P2RY6: variants seen among roughly 807,000 people sequenced by gnomAD.
The protein encoded by P2RY6 is pyrimidinergic receptor P2Y6.
Under a neutral mutation model 16.3 loss-of-function variants are expected in P2RY6, and 19 were observed. The ratio of observed to expected loss-of-function variants is 1.16; its 90% CI spans 0.81 to 1.71. The LOEUF (loss-of-function observed/expected upper bound fraction) is 1.71, where lower values mean the gene tolerates loss of function less well. P2RY6 is among the 40% of genes most tolerant of loss of function. P2RY6 has a pLI of 0.00. For missense variants in P2RY6, 389 were observed against 455.5 expected, an observed-to-expected ratio of 0.85 and a Z score of 1.33; for synonymous variants, 184 against 201.5, an observed-to-expected ratio of 0.91 and a Z score of 0.74.
At chr11:73,280,068 TG>T (rs1863695500) in intron 1 of P2RY6, among the ~76,000 whole-genome samples, 1 of 152,328 alleles carries the variant, frequency 6.6e-6, no homozygotes, top group South Asian at 2.1e-4. Context: ...CAGGGCAAGC[TG>T]GGCCCCAGGC....
Position 73,296,874 on chromosome 11 carries a change from G to T in P2RY6, c.356G>T (p.Cys119Phe). The stretch of plus-strand genomic sequence containing the variant: ...CACGGCAGCATCCTCTTCCTCACCT[G>T]CATCAGCTTCCAGCGCTACCTGGGC... ...NLHGSILFLT[C>F]ISFQRYLGIC... The change falls in exon 3 of 3, where the codon TGC (cysteine) becomes TTC (phenylalanine). Residue 119 changes from cysteine (C) to phenylalanine (F), a missense_variant. Transcript: ENST00000540124. The T allele has an allele frequency of 1.2e-6, 2 of 1,610,674 alleles. No individual in the cohort carries two copies. Among genetic ancestry groups the T allele is most frequent in the Non-Finnish European group, 1.7e-6 (2 of 1,180,020 alleles).
intron 2 of P2RY6, among the ~76,000 whole-genome samples, chr11:73,296,241 T>A (rs866393734): frequency 0.019 from 2,546 of 135,626 alleles, 50 homozygotes; most frequent in African/African-American, 0.051. Context: ...AAAATATATA[T>A]ATATATATAT....
chr11:73,265,943 T>C (rs7127940), intron 1 of P2RY6, among the ~76,000 whole-genome samples: 20,987 of 152,244 alleles, frequency 0.14, 1,548 homozygotes, highest in Non-Finnish European at 0.18. Context: ...GCCTCATAGG[T>C]TATTTTTAGG....
intron 2 of P2RY6, among the ~76,000 whole-genome samples, chr11:73,296,230 AAAAATATAT>A (rs1335649161): frequency 1.0e-4 from 13 of 125,814 alleles, no homozygotes; most frequent in African/African-American, 5.3e-4. Context: ...AAGGAAAAAA[AAAAATATAT>A]ATATATATAT....
intron 1 of P2RY6, chr11:73,292,683 C>T (rs1864306417): frequency 2.2e-6 from 1 of 461,922 alleles, no homozygotes; most frequent in South Asian, 9.2e-5. Context: ...CCTTGCTCCT[C>T]TAAGCCCAGT....
At chr11:73,266,018 T>C (rs953362255) in intron 1 of P2RY6, among the ~76,000 whole-genome samples, 1 of 152,174 alleles carries the variant, frequency 6.6e-6, no homozygotes, top group African/African-American at 2.4e-5. Flanking sequence ...TCCTAACAGC[T>C]GGTGACAAAA....
At chr11:73,270,614 G>A (rs751269244), upstream of P2RY6, among the ~76,000 whole-genome samples, 5 of 152,226 alleles carry the variant, frequency 3.3e-5, no homozygotes, top group African/African-American at 7.2e-5. Context: ...GATTGGTTGA[G>A]GGATGTGCTC....
chr11:73,278,203 G>T (rs922700495), intron 1 of P2RY6, among the ~76,000 whole-genome samples: 5 of 151,048 alleles, frequency 3.3e-5, no homozygotes, highest in Non-Finnish European at 7.4e-5. Flanking sequence ...ATAGTGTCTT[G>T]CTCAGTCACC....
At chr11:73,293,718 G>C (rs548986187) in intron 1 of P2RY6, among the ~76,000 whole-genome samples, 1 of 152,176 alleles carries the variant, frequency 6.6e-6, no homozygotes, top group Non-Finnish European at 1.5e-5. Context: ...GCTGTGCACC[G>C]GATCCCCTCC....
upstream of P2RY6, among the ~76,000 whole-genome samples, chr11:73,268,840 G>A (rs1288650225): frequency 6.6e-6 from 1 of 152,254 alleles, no homozygotes; most frequent in Non-Finnish European, 1.5e-5. Flanking sequence ...GGGGCCAATG[G>A]GCGGTGGCCA....
chr11:73,281,591 A>G (rs937149228), intron 1 of P2RY6, among the ~76,000 whole-genome samples: 1 of 152,232 alleles, frequency 6.6e-6, no homozygotes, highest in Admixed American at 6.5e-5. Context: ...AGGGCCAAGC[A>G]GGAGCCAGAC....
intron 1 of P2RY6, among the ~76,000 whole-genome samples, chr11:73,266,182 C>T (rs1279595369): frequency 6.6e-6 from 1 of 152,194 alleles, no homozygotes; most frequent in East Asian, 1.9e-4. Flanking sequence ...TTCCCATTCC[C>T]AGACTGAATC....
intron 1 of P2RY6, among the ~76,000 whole-genome samples, chr11:73,286,574 T>TAA (rs34923291): frequency 0.12 from 16,746 of 137,266 alleles, 1,045 homozygotes; most frequent in Middle Eastern, 0.17. Flanking sequence ...GACAAAGATT[T>TAA]AAAAAAAAAA....
rs141787430 is a variant in P2RY6 at position 73,275,555 on chromosome 11, G to A, written c.-121+3089G>A. Among the ~76,000 whole-genome samples the A allele has an allele frequency of 2.2e-3, 329 of 152,342 alleles. 2 individuals are homozygous for A. The highest frequency in any genetic ancestry group is 7.6e-3 in the African/African-American group (317 of 41,574). ...GACAGACTTGGAAGTGCCAGAACCT[G>A]TCCTGCAGATTCACTAGTACTTGAC... On this transcript the variant is annotated intron_variant, in intron 1 of 2. Coordinates refer to ENST00000540124, the MANE Select transcript of P2RY6 (RefSeq NM_001277204.2).
At chr11:73,290,899 A>G (rs1455809785) in intron 1 of P2RY6, among the ~76,000 whole-genome samples, 1 of 152,212 alleles carries the variant, frequency 6.6e-6, no homozygotes, top group African/African-American at 2.4e-5. Flanking sequence ...GATTCTTTGA[A>G]GTCCCAAGCC....
rs1395713378 is a variant in P2RY6 at position 73,284,588 on chromosome 11, C to T, written c.-120-11142C>T. 2.0e-5 allele frequency among the ~76,000 whole-genome samples: 3 copies of T among 152,220 alleles called. No homozygotes were observed. In the South Asian group the frequency reaches 6.2e-4, roughly 31 times the overall value. On this transcript the variant is annotated intron_variant, in intron 1 of 2. Coordinates refer to ENST00000540124, the MANE Select transcript of P2RY6 (RefSeq NM_001277204.2). ...AGCAGCCCCAGGGCTGGCTTAAAGG[C>T]CTTTGGTGCTCACGTTTAATCTCTA...
chr11:73,298,068 G>T lies in P2RY6; in HGVS notation c.*563G>T, dbSNP rs535866335. ...TCCCAACTGCTGGAAGTACAGACTG[G>T]CACAGCAACATCAGGGTTGTGACAG... is the stretch of plus-strand genomic sequence containing the variant. On this transcript the variant is annotated 3_prime_UTR_variant, in exon 3 of 3. Transcript: ENST00000540124. 5.0e-4 allele frequency: 85 copies of T among 170,190 alleles called. 2 individuals carry two copies. Among genetic ancestry groups the T allele is most frequent in the African/African-American group, 2.0e-3 (83 of 41,618 alleles). The allele number at this position is 170,190 out of a possible 1,614,324, so 10.5% of individuals were successfully genotyped here.
Position 73,265,279 on chromosome 11 carries a change from T to C in P2RY6, c.-281+630T>C, listed in dbSNP as rs139122301. On this transcript the variant is annotated intron_variant, in intron 1 of 3. Coordinates refer to the P2RY6 transcript ENST00000349767. Reference sequence around the variant, plus strand: ...CTCACCCGGATCTGGGTGGAGAAAGTATGACAGGTCCCAGGCTCACCCTCT... The same window carrying C: ...CTCACCCGGATCTGGGTGGAGAAAGCATGACAGGTCCCAGGCTCACCCTCT... The C allele has an allele frequency of 2.6e-5, 4 of 152,370 alleles. No homozygotes were observed. The East Asian group carries it at 7.7e-4, about 29-fold the overall frequency. The allele number at this position is 152,370 out of a possible 1,614,324, so 9.4% of individuals were successfully genotyped here.
intron 1 of P2RY6, among the ~76,000 whole-genome samples, chr11:73,290,307 G>T (rs867033585): frequency 2.4e-5 from 1 of 41,864 alleles, no homozygotes; most frequent in Non-Finnish European, 5.3e-5. Flanking sequence ...AGAAAGAAAA[G>T]AAAGAAAGAA....
Sources: allele counts gnomAD v4.1 joint callset (sites outside exome capture counted in the v4.1 genomes callset), GRCh38; gene constraint gnomAD v4.1.1; transcripts MANE v1.5; gene names NCBI Gene and HGNC (gene_info 2026-07-23, HGNC 2026-07-21).